Variants in RIPOR1 observed in about 807,000 individuals in gnomAD.
The protein encoded by RIPOR1 is RHO family interacting cell polarization regulator 1.
RIPOR1 carries 58 observed loss-of-function variants against 116.5 expected under a neutral mutation model. That is an observed-to-expected ratio of 0.50 (90% CI 0.40 to 0.62). The LOEUF (loss-of-function observed/expected upper bound fraction) is 0.62. Among genes scored for constraint, RIPOR1 ranks in the 20% least tolerant of loss-of-function variants. The pLI is 0.00. For synonymous variants in RIPOR1, 605 were observed against 650.0 expected, an observed-to-expected ratio of 0.93 and a Z score of 1.05; for missense variants, 1,372 against 1,586.2, an observed-to-expected ratio of 0.86 and a Z score of 2.29.
chr16:67,532,060 T>TC (rs1597622298), intron 1 of RIPOR1, among the ~76,000 whole-genome samples: 1 of 147,604 alleles, frequency 6.8e-6, no homozygotes, highest in Admixed American at 6.7e-5. Context: ...CCCAGCTAAT[T>TC]TTTTTTTTTT....
rs2051129229 is a variant in RIPOR1, at chr16:67,545,299, C to T, written c.3032-77C>T. The T allele has an allele frequency of 5.1e-6, 8 of 1,559,960 alleles. No homozygotes were observed. Among genetic ancestry groups the T allele is most frequent in the South Asian group, 1.2e-5 (1 of 84,618 alleles). ...TGAACAGGGGGCCCCTGGACCTGAGCCTGGGATAGGAGCATCTCTCCCCTC... is the reference window on the plus strand; with the variant it reads ...TGAACAGGGGGCCCCTGGACCTGAGTCTGGGATAGGAGCATCTCTCCCCTC... On this transcript the variant is annotated intron_variant, in intron 17 of 21. Coordinates refer to ENST00000042381, the MANE Select transcript of RIPOR1 (RefSeq NM_024519.4). The surrounding 1 kb of genome is among the most constrained non-coding windows in gnomAD (Gnocchi z 4.8).
Position 67,542,720 on chromosome 16 carries a change from C to A in RIPOR1, c.1934C>A (p.Pro645His). The A allele has an allele frequency of 6.2e-7, 1 of 1,613,336 alleles. No homozygotes were observed. The highest frequency in any genetic ancestry group is 1.1e-5 in the South Asian group (1 of 91,046). Reference sequence around the variant, plus strand: ...CCTCCCACCACTACAAGTCCTACCCCCAGTGGTATGGGCCTAGTCCAGACT... The same window carrying A: ...CCTCCCACCACTACAAGTCCTACCCACAGTGGTATGGGCCTAGTCCAGACT... ...MSPPTTTSPT[P>H]SGMGLVQTAT... The change falls in exon 13 of 22, where the codon CCC becomes CAC. Residue 645 changes from proline to histidine, a missense_variant. Physicochemically the swap from Pro to His is moderately conservative, Grantham distance 77. This residue lies in a region of RIPOR1 where 1,005 missense variants were observed against 1,144.7 expected (regional missense o/e 0.88). Transcript: ENST00000042381. The surrounding 1 kb of genome is among the most constrained non-coding windows in gnomAD (Gnocchi z 4.6).
In RIPOR1 at chr16:67,537,653, C is replaced by G; in HGVS notation, c.-23-771C>G. ...AGGGACTGGCCCCAGGGGAAGCAGG[C>G]CGGGTTTGGGGGCCAGGAGTGTGTG... On this transcript the variant is annotated intron_variant, in intron 1 of 21. Transcript: ENST00000042381. This position sits in a 1 kb window ranked among gnomAD's most constrained non-coding sequence, Gnocchi z 4.6. The G allele has an allele frequency of 7.9e-7, 1 of 1,262,954 alleles. No individual in the cohort carries two copies. The highest frequency in any genetic ancestry group is 1.0e-6 in the Non-Finnish European group (1 of 971,238). The allele number at this position is 1,262,954 out of a possible 1,614,324, so 78.2% of individuals were successfully genotyped here.
In RIPOR1 at chr16:67,545,005, G is replaced by A; in HGVS notation, c.2919G>A (p.Gln973=). 6.2e-7 allele frequency: 1 copy of A among 1,613,564 alleles called. No homozygotes were observed. ...SRPGFLTFWD[Q]CTERLSCFLC... ...CTGGCTTCCTGACCTTCTGGGACCA[G>A]TGCACAGAGAGACTCAGCTGCTTCC... The change falls in exon 17 of 22, where the codon CAG becomes CAA. Residue 973 remains glutamine, a synonymous_variant. Transcript: ENST00000042381. The surrounding 1 kb of genome is among the most constrained non-coding windows in gnomAD (Gnocchi z 4.8).
Position 67,538,728 on chromosome 16 carries a change from G to C in RIPOR1, c.161G>C (p.Arg54Pro), listed in dbSNP as rs751348548. 1 of 1,613,396 alleles carries C rather than the reference G, an allele frequency of 6.2e-7. No individual in the cohort carries two copies. The highest frequency in any genetic ancestry group is 1.1e-5 in the South Asian group (1 of 91,088). ...CCACGGAAGCCCCCCGCGCTCTCCC[G>C]AGTGTCCAGGATGTTTTCCGTGGCT... ...GPPRKPPALSRVSRMFSVAHP... is the reference protein window; with the variant it reads ...GPPRKPPALSPVSRMFSVAHP... Residue 54 changes from arginine to proline, a missense_variant, in exon 3 of 22, where the codon CGA (arginine) becomes CCA (proline). This residue lies in a region of RIPOR1 where 165 missense variants were observed against 145.5 expected (regional missense o/e 1.13). Coordinates refer to ENST00000042381, the MANE Select transcript of RIPOR1 (RefSeq NM_024519.4).
chr16:67,532,570 G>T (rs1313411837), intron 1 of RIPOR1, among the ~76,000 whole-genome samples: 1 of 152,278 alleles, frequency 6.6e-6, no homozygotes, highest in East Asian at 1.9e-4. Context: ...CCTCATGAGA[G>T]GAGATCTCAT....
Position 67,545,136 on chromosome 16 carries a change from C to T in RIPOR1, c.3031+19C>T. 1 of 1,608,810 alleles carries T rather than the reference C, an allele frequency of 6.2e-7. No individual in the cohort carries two copies. ...GAGGCTGGTGAGTGGGCTGCTTCCT[C>T]CTTCCACCCTTGCTCAGATTCCCAG... On this transcript the variant is annotated intron_variant, in intron 17 of 21. Coordinates refer to ENST00000042381, the MANE Select transcript of RIPOR1 (RefSeq NM_024519.4). This position sits in a 1 kb window ranked among gnomAD's most constrained non-coding sequence, Gnocchi z 4.8.
intron 1 of RIPOR1, chr16:67,538,046 G>A (rs548717923): frequency 1.4e-5 from 3 of 213,840 alleles, no homozygotes; most frequent in Non-Finnish European, 2.8e-5. Context: ...GAAATCGGGG[G>A]CAGGGCTGGG....
In RIPOR1 at chr16:67,544,817, C is replaced by T. The variant is rs1336491167; in HGVS notation, c.2856C>T (p.Ser952=). 6.3e-7 allele frequency: 1 copy of T among 1,595,462 alleles called. No individual in the cohort carries two copies. The highest frequency in any genetic ancestry group is 8.6e-7 in the Non-Finnish European group (1 of 1,167,060). ...GCAGGCGGTGGGAGATCCCGGCCAG[C>T]TCTGCCCAGGAAGGTAAAGGCCCTG... ...EFSRRWEIPA[S]SAQEVVQFSA... The change falls in exon 16 of 22, where the codon AGC becomes AGT. Residue 952 remains serine (S), a synonymous_variant. Coordinates refer to ENST00000042381, the MANE Select transcript of RIPOR1 (RefSeq NM_024519.4). The surrounding 1 kb of genome is among the most constrained non-coding windows in gnomAD (Gnocchi z 5.1).
At position 67,542,345 on chromosome 16, in the gene RIPOR1, A is replaced by T. The variant is rs2051013426; in HGVS notation, c.1559A>T (p.Asp520Val). The change falls in exon 13 of 22, where the codon GAC becomes GTC. Residue 520 changes from aspartate to valine, a missense_variant. By Grantham distance (152) the Asp-to-Val change is radical. Coordinates refer to ENST00000042381, the MANE Select transcript of RIPOR1 (RefSeq NM_024519.4). The surrounding 1 kb of genome is among the most constrained non-coding windows in gnomAD (Gnocchi z 4.6). ...GTTGSVPTST[D>V]PAPSAHLDSV... ...ACAGGCTCTGTCCCCACATCTACAGACCCTGCCCCATCTGCACACCTAGAC... is the reference window on the plus strand; with the variant it reads ...ACAGGCTCTGTCCCCACATCTACAGTCCCTGCCCCATCTGCACACCTAGAC... 1.9e-6 allele frequency: 3 copies of T among 1,613,336 alleles called. No homozygotes were observed. Among genetic ancestry groups the T allele is most frequent in the Non-Finnish European group, 2.5e-6 (3 of 1,179,858 alleles).
rs1482720075 is a variant in RIPOR1 at position 67,538,818 on chromosome 16, G to C, written c.251G>C (p.Gly84Ala). 3.7e-6 allele frequency: 6 copies of C among 1,612,736 alleles called. No homozygotes were observed. The highest frequency in any genetic ancestry group is 1.3e-5 in the African/African-American group (1 of 74,914). The change falls in exon 3 of 22, where the codon GGC (glycine) becomes GCC (alanine). Residue 84 changes from glycine (G) to alanine (A), a missense_variant. Physicochemically the swap from Gly to Ala is moderately conservative, Grantham distance 60. Transcript: ENST00000042381. ...CTGGTGTACACGGCGCTGAAGCGGG[G>C]CCTGACGTGAGCAGCTCCTCTGTTC... is the stretch of plus-strand genomic sequence containing the variant. ...LDLVYTALKR[G>A]LTAYLEVHQQ...
upstream of RIPOR1, among the ~76,000 whole-genome samples, chr16:67,526,922 A>G (rs34670034): frequency 1.3e-5 from 2 of 152,328 alleles, no homozygotes; most frequent in African/African-American, 4.8e-5. Context: ...GGTGCTTTGT[A>G]GGGATGGGGA....
upstream of RIPOR1, chr16:67,528,426 C>T (rs979234670): frequency 2.0e-5 from 3 of 152,252 alleles, no homozygotes; most frequent in African/African-American, 7.2e-5. Flanking sequence ...CAGGCGGCTT[C>T]TGGACTCCCC....
Position 67,544,720 on chromosome 16 carries a change from G to A in RIPOR1, c.2759G>A (p.Arg920His), listed in dbSNP as rs145721165. Residue 920 changes from arginine (R) to histidine (H), a missense_variant, in exon 16 of 22, where the codon CGC becomes CAC. Arg to His is a conservative substitution (Grantham distance 29, BLOSUM62 0). Around this residue, in one of 3 missense-constraint regions of RIPOR1, gnomAD observed 1,005 missense variants for 1,144.7 expected, o/e 0.88. Transcript: ENST00000042381. This position sits in a 1 kb window ranked among gnomAD's most constrained non-coding sequence, Gnocchi z 5.1. ...AAACTGGGCACATTTGGGCCCCTGCGCTGCCAGGAGGCATGGGCCCTGGAG... is the reference window on the plus strand; with the variant it reads ...AAACTGGGCACATTTGGGCCCCTGCACTGCCAGGAGGCATGGGCCCTGGAG... ...LLKLGTFGPL[R>H]CQEAWALERL... is the part of the protein sequence containing the mutation. 766 of 1,613,330 alleles carry A rather than the reference G, an allele frequency of 4.7e-4. 12 individuals are homozygous for A. In the East Asian group the frequency reaches 0.016, roughly 33 times the overall value.
Position 67,537,481 on chromosome 16 carries a change from T to G in RIPOR1, c.-23-943T>G. ...GGAGCCGAAGCCGAGCCAGAGCCGC[T>G]GGGAGCGAGCCCGGAGCCCAGCCGG... is the stretch of plus-strand genomic sequence containing the variant. On this transcript the variant is annotated intron_variant, in intron 1 of 21. Transcript: ENST00000042381. The surrounding 1 kb of genome is among the most constrained non-coding windows in gnomAD (Gnocchi z 4.6). The G allele has an allele frequency of 8.0e-7, 1 of 1,251,068 alleles. No homozygotes were observed. Among genetic ancestry groups the G allele is most frequent in the Non-Finnish European group, 1.0e-6 (1 of 996,832 alleles). The allele number at this position is 1,251,068 out of a possible 1,614,324, so 77.5% of individuals were successfully genotyped here. A position where few individuals can be genotyped will look rare whatever the true frequency, so the allele number is the denominator to read the frequency against.
chr16:67,539,839 C>T lies in RIPOR1; in HGVS notation c.361-7C>T, dbSNP rs911648527. 1.9e-6 allele frequency: 3 copies of T among 1,614,200 alleles called. No homozygotes were observed. The highest frequency in any genetic ancestry group is 1.7e-6 in the Non-Finnish European group (2 of 1,180,030). On this transcript the variant is annotated splice_region_variant and splice_polypyrimidine_tract_variant and intron_variant, in intron 5 of 21. Coordinates refer to ENST00000042381, the MANE Select transcript of RIPOR1 (RefSeq NM_024519.4). The stretch of plus-strand genomic sequence containing the variant: ...CTCAGGCCCCTCCTGACCCACCTCT[C>T]CCCCAGCAAGTCAAGTCCATTGAAC...
chr16:67,520,701 G>A (rs1567557203), intron 1 of RIPOR1, among the ~76,000 whole-genome samples: 1 of 151,970 alleles, frequency 6.6e-6, no homozygotes, highest in Non-Finnish European at 1.5e-5. Flanking sequence ...TCAGGAGGCT[G>A]AGGCAGGAGA....
At chr16:67,520,062 CAA>C (rs796368368) in intron 1 of RIPOR1, among the ~76,000 whole-genome samples, 61 of 46,020 alleles carry the variant, frequency 1.3e-3, no homozygotes, top group Non-Finnish European at 3.1e-3. Context: ...AACTCCGTCT[CAA>C]AAAAAAAAAA....
intron 1 of RIPOR1, among the ~76,000 whole-genome samples, chr16:67,523,381 C>A (rs974201833): frequency 6.6e-6 from 1 of 151,780 alleles, no homozygotes; most frequent in Non-Finnish European, 1.5e-5. Context: ...CAAAAATTAG[C>A]CGGGCATGGT....
Sources: allele counts gnomAD v4.1 joint callset (sites outside exome capture counted in the v4.1 genomes callset), GRCh38; gene constraint gnomAD v4.1.1; regional missense constraint gnomAD v4.1.1; non-coding constraint Gnocchi (gnomAD v3.1); transcripts MANE v1.5; gene names NCBI Gene and HGNC (gene_info 2026-07-23, HGNC 2026-07-21).